The following FGFR1OP2 variants were observed in gnomAD, a reference collection of about 807,000 sequenced individuals.
FGFR1OP2 encodes the protein FGFR1 oncogene partner 2.
Under a neutral mutation model 35.2 loss-of-function variants are expected in FGFR1OP2, and 17 were observed. The observed-to-expected ratio is 0.48, with a 90% CI of 0.33 to 0.73. The LOEUF is 0.73. Ranked by LOEUF, FGFR1OP2 falls within the 30% of genes least tolerant of loss-of-function variation. The pLI, the probability that FGFR1OP2 is intolerant of heterozygous loss-of-function variation, is 0.02. For missense variants in FGFR1OP2, 251 were observed against 307.3 expected (o/e 0.82, Z 1.37); for synonymous variants, 105 against 104.6 (o/e 1.00, Z -0.03).
At chr12:26,939,593 T>C (rs1938682412) in intron 1 of FGFR1OP2, among the ~76,000 whole-genome samples, 2 of 152,196 alleles carry the variant, frequency 1.3e-5, no homozygotes, top group South Asian at 2.1e-4. Flanking sequence ...TTACCACCTG[T>C]CAAAACCCAA....
intron 2 of FGFR1OP2, 76 bp downstream of exon 2, chr12:26,954,369 A>G: frequency 6.8e-7 from 1 of 1,465,750 alleles, no homozygotes; most frequent in Non-Finnish European, 9.1e-7. Context: ...GCTAATTAGT[A>G]TCTAATTTTT....
intron 1 of FGFR1OP2, among the ~76,000 whole-genome samples, chr12:26,947,271 T>C (rs1938842961): frequency 6.6e-6 from 1 of 152,224 alleles, no homozygotes; most frequent in South Asian, 2.1e-4. Flanking sequence ...TTTTCTATTA[T>C]AGCCATCCTA....
intron 1 of FGFR1OP2, among the ~76,000 whole-genome samples, chr12:26,943,092 C>T (rs1938762523): frequency 6.6e-6 from 1 of 152,058 alleles, no homozygotes. Context: ...TATATTTAGA[C>T]TTATGGTCCA....
Position 26,964,859 on chromosome 12 carries a change from G to C in FGFR1OP2, c.*126G>C. ...AATATGTACAGTGCACGGGCTATGA[G>C]ATAGCAACAAAAAATGCATAGTTAA... On this transcript the variant is annotated 3_prime_UTR_variant, in exon 7 of 7. Coordinates refer to ENST00000229395, the MANE Select transcript of FGFR1OP2 (RefSeq NM_015633.3). 1.1e-6 allele frequency: 1 copy of C among 941,974 alleles called. No individual in the cohort carries two copies. Among genetic ancestry groups the C allele is most frequent in the East Asian group, 2.5e-5 (1 of 39,474 alleles). The allele number at this position is 941,974 out of a possible 1,614,324, so 58.4% of individuals were successfully genotyped here.
chr12:26,960,859 A>G (rs921319073), intron 5 of FGFR1OP2: 1 of 439,412 alleles, frequency 2.3e-6, no homozygotes, highest in African/African-American at 2.0e-5. Context: ...CAGGTTTTAT[A>G]GGTTATTCAG....
intron 1 of FGFR1OP2, among the ~76,000 whole-genome samples, chr12:26,940,121 C>T (rs1938707330): frequency 6.6e-6 from 1 of 152,198 alleles, no homozygotes; most frequent in Non-Finnish European, 1.5e-5. Context: ...AGACTACAGA[C>T]AGTGCTTGGA....
chr12:26,964,503 C>A, intron 6 of FGFR1OP2, 93 bp from the exon 7 acceptor site: 2 of 1,403,450 alleles, frequency 1.4e-6, no homozygotes, highest in South Asian at 1.3e-5. Context: ...GTTTGTTATA[C>A]CTTCATATGT....
At chr12:26,962,869 T>C (rs1434454194) in intron 5 of FGFR1OP2, 2 of 152,400 alleles carry the variant, frequency 1.3e-5, no homozygotes, top group African/African-American at 4.8e-5. Context: ...CAGTTCCTGC[T>C]CTCAAAGAGG....
At chr12:26,943,034 A>G (rs1292721063) in intron 1 of FGFR1OP2, among the ~76,000 whole-genome samples, 2 of 152,178 alleles carry the variant, frequency 1.3e-5, no homozygotes, top group Non-Finnish European at 2.9e-5. Context: ...CCCAGGTCAC[A>G]AAGATTTTCT....
intron 1 of FGFR1OP2, among the ~76,000 whole-genome samples, chr12:26,949,527 T>C (rs1938882998): frequency 2.6e-5 from 4 of 152,166 alleles, no homozygotes; most frequent in African/African-American, 7.2e-5. Flanking sequence ...TGTTTAATAT[T>C]GTGGCCATTT....
At position 26,938,703 on chromosome 12, in the gene FGFR1OP2, A is replaced by C. The variant is rs566411428; in HGVS notation, c.-22A>C. 1.3e-5 allele frequency: 2 copies of C among 152,544 alleles called. No homozygotes were observed. The highest frequency in any genetic ancestry group is 4.8e-5 in the African/African-American group (2 of 41,574). 9.4% of individuals were successfully genotyped at this position (152,544 alleles called of 1,614,324 possible). On this transcript the variant is annotated 5_prime_UTR_variant, in exon 1 of 7. Transcript: ENST00000229395. ...CACAGCTGAAGGCTGCGAGGGACTA[A>C]GAGCAGAGTAAGTGGACTAAATCCA... is the stretch of plus-strand genomic sequence containing the variant.
intron 1 of FGFR1OP2, among the ~76,000 whole-genome samples, chr12:26,951,902 A>G (rs1250977899): frequency 6.6e-6 from 1 of 152,138 alleles, no homozygotes; most frequent in Non-Finnish European, 1.5e-5. Context: ...ACTGTTAGAG[A>G]GTTCTATTAC....
At chr12:26,950,245 A>C in intron 1 of FGFR1OP2, among the ~76,000 whole-genome samples, 1 of 16,096 alleles carries the variant, frequency 6.2e-5, no homozygotes, top group East Asian at 0.013. Context: ...TTTTTGAGAC[A>C]GAGTCCCGTT....
intron 1 of FGFR1OP2, among the ~76,000 whole-genome samples, chr12:26,949,196 C>T (rs905934004): frequency 1.2e-4 from 18 of 150,972 alleles, no homozygotes; most frequent in Admixed American, 5.3e-4. Flanking sequence ...AGTGCAATGG[C>T]GCGATCTCAG....
intron 5 of FGFR1OP2, 22 bp downstream of exon 5, chr12:26,960,650 C>T (rs1416266134): frequency 1.3e-6 from 2 of 1,600,002 alleles, no homozygotes; most frequent in Non-Finnish European, 1.7e-6. Context: ...AAACAGTCAA[C>T]TTTTGGGGTG....
intron 4 of FGFR1OP2, 117 bp downstream of exon 4, chr12:26,957,860 T>G: frequency 1.3e-6 from 1 of 760,760 alleles, no homozygotes; most frequent in Non-Finnish European, 1.9e-6. Context: ...TAACATGATG[T>G]TGAATGTTTC....
In FGFR1OP2 at chr12:26,960,501, ACT is replaced by A. The variant is rs1160157265; in HGVS notation, c.397-11_397-10del. The A allele has an allele frequency of 3.4e-5, 54 of 1,575,284 alleles. No individual in the cohort carries two copies. Among genetic ancestry groups the A allele is most frequent in the Middle Eastern group, 1.7e-4 (1 of 5,992 alleles). On this transcript the variant is annotated splice_polypyrimidine_tract_variant and intron_variant, in intron 4 of 6. Coordinates refer to ENST00000229395, the MANE Select transcript of FGFR1OP2 (RefSeq NM_015633.3). ...TGATATCCGTATTAACATTATAATG[ACT>A]CTATACTACAGATTGACATGGTACA...
intron 3 of FGFR1OP2, among the ~76,000 whole-genome samples, chr12:26,956,926 C>T (rs1055995390): frequency 3.9e-5 from 6 of 152,186 alleles, no homozygotes; most frequent in South Asian, 2.1e-4. Context: ...ATTCCAGTCT[C>T]TCTTCCCCCT....
Position 26,944,794 on chromosome 12 carries a change from T to C in FGFR1OP2, c.-15+6084T>C, listed in dbSNP as rs75144190. 8.6e-4 allele frequency among the ~76,000 whole-genome samples: 131 copies of C among 152,334 alleles called. 2 individuals are homozygous for C. In the East Asian group the frequency reaches 0.024, roughly 28 times the overall value. On this transcript the variant is annotated intron_variant, in intron 1 of 6. Coordinates refer to ENST00000229395, the MANE Select transcript of FGFR1OP2 (RefSeq NM_015633.3). ...TTGTATAATAATTGGTGTTATTTCT[T>C]CTTTAAATGTGTGATAGAATTTGTC... is the stretch of plus-strand genomic sequence containing the variant.
Sources: gnomAD v4.1 joint callset for allele counts (sites outside exome capture counted in the v4.1 genomes callset) on GRCh38, gnomAD v4.1.1 for gene constraint, MANE v1.5 for transcripts, NCBI Gene and HGNC (gene_info 2026-07-23, HGNC 2026-07-21) for gene names.